The following ANKRD11 variants were observed in gnomAD, a reference collection of about 807,000 sequenced individuals.
The protein encoded by ANKRD11 is ankyrin repeat domain-containing protein 11.
In ANKRD11, 17 loss-of-function variants were observed where a neutral mutation model predicts 195.7. The ratio of observed to expected loss-of-function variants is 0.09; its 90% CI spans 0.06 to 0.13. The LOEUF is 0.13. Among genes scored for constraint, ANKRD11 ranks in the 10% least tolerant of loss-of-function variants. ANKRD11 has a pLI of 1.00. For missense variants in ANKRD11, 3,735 were observed against 3,566.1 expected, an observed-to-expected ratio of 1.05 and a Z score of -1.21; for synonymous variants, 1,953 against 1,528.1, an observed-to-expected ratio of 1.28 and a Z score of -6.49.
intron 3 of ANKRD11, among the ~76,000 whole-genome samples, chr16:89,312,224 G>A (rs965085664): frequency 6.6e-6 from 1 of 152,328 alleles, no homozygotes; most frequent in Non-Finnish European, 1.5e-5. Flanking sequence ...TAAACGTGAT[G>A]TGAGAACCTG....
chr16:89,284,920 T>C lies in ANKRD11; in HGVS notation c.1622A>G (p.Gln541Arg), dbSNP rs751544677. The change falls in exon 9 of 13, where the codon CAG (glutamine) becomes CGG (arginine). Residue 541 changes from glutamine to arginine, a missense_variant. Physicochemically the swap from Gln to Arg is conservative, Grantham distance 43. Transcript: ENST00000301030. ...GTCTGTCCGCCAGTGCTTGGTGTGC[T>C]GGTCTGTGTGGCTGGGGTTCTGCTT... ...AQKQNPSHTDQHTKHWRTDNW... is the reference protein window; with the variant it reads ...AQKQNPSHTDRHTKHWRTDNW... 3.1e-6 allele frequency: 5 copies of C among 1,614,194 alleles called. No homozygotes were observed. The South Asian group carries it at 4.4e-5, about 14-fold the overall frequency.
chr16:89,473,330 C>A (rs561681161), intron 1 of ANKRD11, among the ~76,000 whole-genome samples: 6 of 152,170 alleles, frequency 3.9e-5, no homozygotes, highest in African/African-American at 1.4e-4. Flanking sequence ...CCAATCTCTG[C>A]CTAGAGAATA....
chr16:89,471,980 T>A (rs994702956), intron 1 of ANKRD11, among the ~76,000 whole-genome samples: 3 of 152,134 alleles, frequency 2.0e-5, no homozygotes, highest in Non-Finnish European at 4.4e-5. Flanking sequence ...CATGCTCATT[T>A]TATCTCCAGA....
intron 1 of ANKRD11, among the ~76,000 whole-genome samples, chr16:89,425,742 T>A (rs1016404063): frequency 6.6e-6 from 1 of 152,160 alleles, no homozygotes; most frequent in Non-Finnish European, 1.5e-5. Context: ...TCATTTCGTT[T>A]TCTCTGATTT....
chr16:89,320,607 G>A (rs1359240751), intron 2 of ANKRD11, among the ~76,000 whole-genome samples: 7 of 152,162 alleles, frequency 4.6e-5, no homozygotes, highest in Admixed American at 6.5e-5. Context: ...CAGGGTCACC[G>A]AGAGTCCAGG....
chr16:89,463,000 G>T (rs1337574613), intron 1 of ANKRD11, among the ~76,000 whole-genome samples: 1 of 150,378 alleles, frequency 6.6e-6, no homozygotes, highest in African/African-American at 2.4e-5. Context: ...GGAGGGAGGT[G>T]GGGGGGTCAG....
chr16:89,307,568 C>T (rs1412436057), intron 3 of ANKRD11, among the ~76,000 whole-genome samples: 1 of 152,140 alleles, frequency 6.6e-6, no homozygotes, highest in Non-Finnish European at 1.5e-5. Context: ...TAACACCCAC[C>T]CCAGCAGTGC....
chr16:89,283,932 G>A lies in ANKRD11; in HGVS notation c.2610C>T (p.Ser870=), dbSNP rs142560514. Residue 870 remains serine (S), a synonymous_variant, in exon 9 of 13, where the codon AGC becomes AGT. Coordinates refer to ENST00000301030, the MANE Select transcript of ANKRD11 (RefSeq NM_013275.6). This position sits in a 1 kb window ranked among gnomAD's most constrained non-coding sequence, Gnocchi z 4.3. ...CCAAGATGAGCTTGGCCACAGAGTC[G>A]CTCTTCATGTCCCTGTAGTCTGTCA... ...SPVTDYRDMK[S]DSVAKLILET... 189 of 1,614,124 alleles carry A rather than the reference G, an allele frequency of 1.2e-4. 1 individual carries two copies. The highest frequency in any genetic ancestry group is 8.7e-4 in the South Asian group (79 of 91,082).
At chr16:89,391,529 G>T (rs550349635) in intron 2 of ANKRD11, among the ~76,000 whole-genome samples, 1 of 152,296 alleles carries the variant, frequency 6.6e-6, no homozygotes, top group Admixed American at 6.5e-5. Flanking sequence ...TGCGTTTTCT[G>T]TGTTGACTGT....
chr16:89,296,978 C>T (rs2035478991), intron 4 of ANKRD11, among the ~76,000 whole-genome samples: 1 of 152,192 alleles, frequency 6.6e-6, no homozygotes, highest in African/African-American at 2.4e-5. Context: ...CCCTGATAGC[C>T]CAGTGTCCAG....
chr16:89,271,265 G>GT, intron 11 of ANKRD11: 1 of 347,148 alleles, frequency 2.9e-6, no homozygotes, highest in Non-Finnish European at 5.6e-6. Flanking sequence ...AAGAGACAGA[G>GT]TTTCGCTTGT....
intron 2 of ANKRD11, among the ~76,000 whole-genome samples, chr16:89,372,553 A>G (rs2152084022): frequency 6.6e-6 from 1 of 152,376 alleles, no homozygotes; most frequent in East Asian, 1.9e-4. Context: ...ATAAAACAAG[A>G]TGATGTTGGA....
chr16:89,402,325 G>C (rs984320285), intron 2 of ANKRD11, among the ~76,000 whole-genome samples: 6 of 152,090 alleles, frequency 3.9e-5, no homozygotes, highest in Non-Finnish European at 7.4e-5. Flanking sequence ...CAGTTCACAT[G>C]AACTCCTAAC....
intron 1 of ANKRD11, among the ~76,000 whole-genome samples, chr16:89,440,018 G>A (rs1249890743): frequency 6.6e-6 from 1 of 152,152 alleles, no homozygotes; most frequent in Non-Finnish European, 1.5e-5. Flanking sequence ...CTGTGACTTG[G>A]CTCTTATGAG....
chr16:89,442,475 C>T (rs990823105), intron 1 of ANKRD11, among the ~76,000 whole-genome samples: 4 of 152,138 alleles, frequency 2.6e-5, no homozygotes, highest in Non-Finnish European at 4.4e-5. Flanking sequence ...CCACAAACGC[C>T]CCTTTATGCA....
In ANKRD11 at chr16:89,276,603, A is replaced by T. The variant is rs534211415; in HGVS notation, c.7471-1412T>A. Among the ~76,000 whole-genome samples, 21 of 152,306 alleles carry T rather than the reference A, an allele frequency of 1.4e-4. No individual in the cohort carries two copies. The East Asian group carries it at 4.1e-3, about 29-fold the overall frequency. On this transcript the variant is annotated intron_variant, in intron 9 of 12. Transcript: ENST00000301030. Reference sequence around the variant, plus strand: ...CACTGCCCAGAAGCTCCCAGCCAGGAGACAGGGCACGGGAGGGCCTGCCAC... The same window carrying T: ...CACTGCCCAGAAGCTCCCAGCCAGGTGACAGGGCACGGGAGGGCCTGCCAC...
At chr16:89,430,154 G>T (rs570392926) in intron 1 of ANKRD11, among the ~76,000 whole-genome samples, 1 of 99,268 alleles carries the variant, frequency 1.0e-5, no homozygotes. Flanking sequence ...CAACTCTCGC[G>T]CTCAGTCGTT....
At chr16:89,363,546 A>ATAGT (rs2039822453) in intron 2 of ANKRD11, among the ~76,000 whole-genome samples, 1 of 152,192 alleles carries the variant, frequency 6.6e-6, no homozygotes, top group Non-Finnish European at 1.5e-5. Context: ...AAAACCTTAC[A>ATAGT]TAGTTCACAA....
chr16:89,428,578 T>C (rs2042831086), intron 1 of ANKRD11, among the ~76,000 whole-genome samples: 1 of 151,204 alleles, frequency 6.6e-6, no homozygotes, highest in African/African-American at 2.4e-5. Context: ...ATAACCAACA[T>C]AACATTATTT....
Sources: allele counts gnomAD v4.1 joint callset (sites outside exome capture counted in the v4.1 genomes callset), GRCh38; gene constraint gnomAD v4.1.1; non-coding constraint Gnocchi (gnomAD v3.1); transcripts MANE v1.5; gene names NCBI Gene and HGNC (gene_info 2026-07-23, HGNC 2026-07-21).